NDST1: variants seen among roughly 807,000 people sequenced by gnomAD.
NDST1 encodes the protein bifunctional heparan sulfate N-deacetylase/N-sulfotransferase 1.
Under a neutral mutation model 92.8 loss-of-function variants are expected in NDST1, and 35 were observed. The ratio of observed to expected loss-of-function variants is 0.38; its 90% CI spans 0.29 to 0.50. The LOEUF is 0.50. Among genes scored for constraint, NDST1 ranks in the 20% least tolerant of loss-of-function variants. NDST1 has a pLI of 0.94. For missense variants in NDST1, 822 were observed against 1,182.7 expected (o/e 0.69, Z 4.47); for synonymous variants, 493 against 500.3 (o/e 0.99, Z 0.19).
In NDST1 at chr5:150,557,672, C is replaced by G. The variant is rs1755897326; in HGVS notation, c.*4340C>G. 6.6e-6 allele frequency: 1 copy of G among 152,280 alleles called. No individual in the cohort carries two copies. Among genetic ancestry groups the G allele is most frequent in the African/African-American group, 2.4e-5 (1 of 41,422 alleles). 9.4% of individuals were successfully genotyped at this position (152,280 alleles called of 1,614,324 possible). On this transcript the variant is annotated 3_prime_UTR_variant, in exon 15 of 15. Transcript: ENST00000261797. The surrounding 1 kb of genome is among the most constrained non-coding windows in gnomAD (Gnocchi z 4.7). Reference sequence around the variant, plus strand: ...TGAGGATGAGGGGGCGGCCTAGACCCCCTGCTGCCCAGGCCGTTGAGGCAA... The same window carrying G: ...TGAGGATGAGGGGGCGGCCTAGACCGCCTGCTGCCCAGGCCGTTGAGGCAA...
Position 150,532,862 on chromosome 5 carries a change from A to G in NDST1, c.1009-83A>G, listed in dbSNP as rs569646699. ...TATAATTTTTGAACAAGGGATTTCC[A>G]CGTTTTTTCACTGCCCTCAGTGGGA... On this transcript the variant is annotated intron_variant, in intron 3 of 14. Coordinates refer to ENST00000261797, the MANE Select transcript of NDST1 (RefSeq NM_001543.5). 354 of 1,247,482 alleles carry G rather than the reference A, an allele frequency of 2.8e-4. 5 individuals are homozygous for G. In the South Asian group the frequency reaches 4.0e-3, roughly 14 times the overall value. The allele number at this position is 1,247,482 out of a possible 1,614,324, so 77.3% of individuals were successfully genotyped here.
chr5:150,534,058 G>A (rs549058018), intron 4 of NDST1, among the ~76,000 whole-genome samples: 1 of 149,788 alleles, frequency 6.7e-6, no homozygotes, highest in African/African-American at 2.5e-5. Context: ...ACTCCTGCCT[G>A]GGTGACAGAG....
intron 3 of NDST1, 85 bp downstream of exon 3, chr5:150,528,383 G>C: frequency 7.0e-7 from 1 of 1,438,380 alleles, no homozygotes; most frequent in South Asian, 1.4e-5. Context: ...GGTGTGCCCT[G>C]TCTGCATCTC....
intron 14 of NDST1, among the ~76,000 whole-genome samples, chr5:150,552,265 AAAAGGCTCCTT>A (rs1336393091): frequency 4.6e-5 from 7 of 152,306 alleles, no homozygotes; most frequent in Non-Finnish European, 7.4e-5. Flanking sequence ...AGAGGGGTAA[AAAAGGCTCCTT>A]AAAGGAGGGA....
At chr5:150,534,755 C>T (rs1373290374) in intron 4 of NDST1, 112 bp from the exon 5 acceptor site, 41 of 1,328,112 alleles carry the variant, frequency 3.1e-5, no homozygotes, top group Admixed American at 5.4e-5. Context: ...GATAACTCTT[C>T]CAGGCAGCTC....
In NDST1 at chr5:150,521,114, C is replaced by A; in HGVS notation, c.-141C>A. On this transcript the variant is annotated 5_prime_UTR_variant, in exon 2 of 15. Transcript: ENST00000261797. This position sits in a 1 kb window ranked among gnomAD's most constrained non-coding sequence, Gnocchi z 5.9. ...GACTGGGGGCCCAGATCCTCCACTC[C>A]CAGTGCCCCACAAGGGCGTCGCTTC... 1 of 735,226 alleles carries A rather than the reference C, an allele frequency of 1.4e-6. No individual in the cohort carries two copies. The highest frequency in any genetic ancestry group is 2.7e-5 in the East Asian group (1 of 37,064). The allele number at this position is 735,226 out of a possible 1,614,324, so 45.5% of individuals were successfully genotyped here.
At chr5:150,503,271 C>T (rs563976935), upstream of NDST1, among the ~76,000 whole-genome samples, 231 of 152,144 alleles carry the variant, frequency 1.5e-3, 2 homozygotes, top group African/African-American at 5.3e-3. Flanking sequence ...GGAGAAACCC[C>T]GTCTCTACTA....
At chr5:150,525,446 C>A (rs2151275180) in intron 2 of NDST1, among the ~76,000 whole-genome samples, 1 of 152,328 alleles carries the variant, frequency 6.6e-6, no homozygotes, top group South Asian at 2.1e-4. Context: ...GCCCCTACCG[C>A]TTTTGTCCCC....
intron 10 of NDST1, among the ~76,000 whole-genome samples, chr5:150,544,927 G>A (rs973372914): frequency 1.3e-5 from 2 of 152,138 alleles, no homozygotes; most frequent in African/African-American, 4.8e-5. Context: ...GCCACTCTGA[G>A]CCCCAGCTCG....
intron 11 of NDST1, among the ~76,000 whole-genome samples, chr5:150,547,811 G>A (rs1401538910): frequency 9.9e-5 from 15 of 152,148 alleles, no homozygotes; most frequent in Non-Finnish European, 1.9e-4. Flanking sequence ...TCAGCCTTCC[G>A]AGTAGCTGGG....
At position 150,509,540 on chromosome 5, in the gene NDST1, A is replaced by C. The variant is rs187992761; in HGVS notation, c.-388+1314A>C. The stretch of plus-strand genomic sequence containing the variant: ...GGCCCCCCTTTCTTTATTTTTTTTG[A>C]GATGGAGTTTCGCTCAGGCTAGAGT... On this transcript the variant is annotated intron_variant, in intron 1 of 14. Transcript: ENST00000261797. Among the ~76,000 whole-genome samples the C allele has an allele frequency of 5.1e-3, 769 of 151,650 alleles. 2 individuals carry two copies. Among genetic ancestry groups the C allele is most frequent in the Non-Finnish European group, 9.0e-3 (611 of 67,864 alleles).
intron 10 of NDST1, 26 bp downstream of exon 10, chr5:150,542,997 G>T (rs186180595): frequency 2.5e-6 from 4 of 1,613,342 alleles, no homozygotes; most frequent in East Asian, 4.5e-5. Context: ...TGTCCACAGC[G>T]GGACGGGAAG....
At chr5:150,508,899 G>T (rs1753587935) in intron 1 of NDST1, among the ~76,000 whole-genome samples, 2 of 152,202 alleles carry the variant, frequency 1.3e-5, no homozygotes, top group Admixed American at 6.5e-5. Context: ...CCTCACTGCA[G>T]TTGCAGAAAC....
chr5:150,529,390 CAAAAAA>C (rs11418788), intron 3 of NDST1, among the ~76,000 whole-genome samples: 1 of 65,172 alleles, frequency 1.5e-5, no homozygotes, highest in Non-Finnish European at 2.9e-5. Context: ...GACCCTGTCT[CAAAAAA>C]AAAAAAAAAA....
At position 150,532,971 on chromosome 5, in the gene NDST1, A is replaced by G. The variant is rs189874385; in HGVS notation, c.1035A>G (p.Leu345=). The part of the protein sequence containing the change: ...VKALFDTQNE[L]RAHIPNFTFN... Reference sequence around the variant, plus strand: ...CCCTGTTTGACACACAGAACGAACTACGCGCACACATCCCAAACTTCACCT... The same window carrying G: ...CCCTGTTTGACACACAGAACGAACTGCGCGCACACATCCCAAACTTCACCT... The change falls in exon 4 of 15, where the codon CTA becomes CTG. Residue 345 remains leucine (L), a synonymous_variant. Coordinates refer to ENST00000261797, the MANE Select transcript of NDST1 (RefSeq NM_001543.5). The G allele has an allele frequency of 2.4e-5, 38 of 1,614,104 alleles. No individual in the cohort carries two copies. In the East Asian group the frequency reaches 4.5e-4, roughly 19 times the overall value.
chr5:150,506,085 C>T (rs1006542084), upstream of NDST1, among the ~76,000 whole-genome samples: 22 of 152,242 alleles, frequency 1.4e-4, no homozygotes, highest in Admixed American at 5.2e-4. Flanking sequence ...AGGAGGTGCC[C>T]GCTGTGTGCT....
At chr5:150,532,919 A>G in intron 3 of NDST1, 26 bp from the exon 4 acceptor site, 1 of 1,609,876 alleles carries the variant, frequency 6.2e-7, no homozygotes, top group Non-Finnish European at 8.5e-7. Context: ...TCCCTCACTC[A>G]TTCCTTTCTC....
At chr5:150,526,354 T>C (rs537089117) in intron 2 of NDST1, among the ~76,000 whole-genome samples, 1 of 152,372 alleles carries the variant, frequency 6.6e-6, no homozygotes, top group African/African-American at 2.4e-5. Context: ...GCCATGTCTT[T>C]GTTTTTCTCA....
chr5:150,534,304 A>G (rs924567683), intron 4 of NDST1, among the ~76,000 whole-genome samples: 5 of 151,906 alleles, frequency 3.3e-5, no homozygotes, highest in Non-Finnish European at 5.9e-5. Context: ...GCCTTGCACT[A>G]TGTTGCCTAG....
Sources: gnomAD v4.1 joint callset for allele counts (sites outside exome capture counted in the v4.1 genomes callset) on GRCh38, gnomAD v4.1.1 for gene constraint, Gnocchi (gnomAD v3.1) non-coding constraint, MANE v1.5 for transcripts, NCBI Gene and HGNC (gene_info 2026-07-23, HGNC 2026-07-21) for gene names.